The following FAP variants were observed in gnomAD, a reference collection of about 807,000 sequenced individuals.
FAP encodes fibroblast activation protein alpha.
Under a neutral mutation model 126.5 loss-of-function variants are expected in FAP, and 110 were observed. The observed-to-expected ratio is 0.87, with a 90% CI of 0.74 to 1.02. The LOEUF is 1.02. Among genes scored for constraint, FAP ranks in the 50% least tolerant of loss-of-function variants. The pLI, the probability that FAP is intolerant of heterozygous loss-of-function variation, is 0.00. For synonymous variants in FAP, 334 were observed against 297.3 expected (o/e 1.12, Z -1.27); for missense variants, 919 against 909.2 (o/e 1.01, Z -0.14).
chr2:162,229,852 T>C (rs1327516369), intron 2 of FAP, among the ~76,000 whole-genome samples: 3 of 85,362 alleles, frequency 3.5e-5, no homozygotes, highest in Non-Finnish European at 1.2e-4. Flanking sequence ...GAACGTAGCA[T>C]ATGACTCAAA....
chr2:162,186,313 A>T (rs1167761808), intron 20 of FAP, among the ~76,000 whole-genome samples: 3 of 152,166 alleles, frequency 2.0e-5, no homozygotes, highest in African/African-American at 7.2e-5. Flanking sequence ...GCTCAGAGAA[A>T]GTAGAGGTAT....
At chr2:162,172,728 A>T in intron 25 of FAP, 83 bp downstream of exon 25, 4 of 879,310 alleles carry the variant, frequency 4.5e-6, no homozygotes, top group South Asian at 1.5e-5. Flanking sequence ...TTACTTTAAA[A>T]GTTAAAAAAA....
At chr2:162,235,079 G>A (rs1017678094) in intron 2 of FAP, among the ~76,000 whole-genome samples, 6 of 151,996 alleles carry the variant, frequency 3.9e-5, no homozygotes, top group African/African-American at 7.3e-5. Flanking sequence ...GCCTCCCTGC[G>A]GGGCAGGGCT....
chr2:162,225,688 C>T, intron 3 of FAP, 111 bp from the exon 4 acceptor site: 1 of 1,077,958 alleles, frequency 9.3e-7, no homozygotes, highest in Non-Finnish European at 1.3e-6. Flanking sequence ...TCCTCTCTGT[C>T]CAGTACATAT....
chr2:162,198,370 A>G, intron 16 of FAP: 1 of 1,280,176 alleles, frequency 7.8e-7, no homozygotes, highest in Non-Finnish European at 1.0e-6. Flanking sequence ...ATCAGAGAAC[A>G]TTTCTTTTTC....
At chr2:162,205,629 T>C (rs1688671909) in intron 12 of FAP, among the ~76,000 whole-genome samples, 1 of 152,156 alleles carries the variant, frequency 6.6e-6, no homozygotes, top group South Asian at 2.1e-4. Flanking sequence ...TTCTCCTGCC[T>C]CAGCCTCCCA....
intron 21 of FAP, chr2:162,176,605 G>A (rs1251193374): frequency 2.0e-5 from 3 of 152,086 alleles, no homozygotes; most frequent in African/African-American, 7.2e-5. Context: ...GAAATGGGAA[G>A]GCTTTCCTTC....
Position 162,194,926 on chromosome 2 carries a change from C to T in FAP, c.1403-178G>A. 7 of 615,154 alleles carry T rather than the reference C, an allele frequency of 1.1e-5. No homozygotes were observed. In the South Asian group the frequency reaches 1.3e-4, roughly 12 times the overall value. The allele number at this position is 615,154 out of a possible 1,614,324, so 38.1% of individuals were successfully genotyped here. A position where few individuals can be genotyped will look rare whatever the true frequency, so the allele number is the denominator to read the frequency against. On this transcript the variant is annotated intron_variant, in intron 16 of 25. Transcript: ENST00000188790. ...ACTTCTAAGTCACATTTAAACAATA[C>T]ATGAGATCAAAGCCCACTCAAAGAA...
intron 20 of FAP, among the ~76,000 whole-genome samples, chr2:162,185,681 C>A (rs368146579): frequency 2.0e-5 from 3 of 152,044 alleles, no homozygotes; most frequent in African/African-American, 7.2e-5. Flanking sequence ...CAAATATGTA[C>A]GTACGATTTT....
At chr2:162,178,292 C>G (rs1687557091) in intron 21 of FAP, among the ~76,000 whole-genome samples, 1 of 152,048 alleles carries the variant, frequency 6.6e-6, no homozygotes, top group African/African-American at 2.4e-5. Flanking sequence ...TAAGCAAAAC[C>G]CTCGCTGCTC....
At position 162,243,050 on chromosome 2, in the gene FAP, G is replaced by A. The variant is rs1690418282; in HGVS notation, c.7-58C>T. 4 of 1,383,436 alleles carry A rather than the reference G, an allele frequency of 2.9e-6. No individual in the cohort carries two copies. The African/African-American group carries it at 4.3e-5, about 15-fold the overall frequency. The allele number at this position is 1,383,436 out of a possible 1,614,324, so 85.7% of individuals were successfully genotyped here. ...CAGTTCCTGCTAAATAGTAGAAATG[G>A]CAAGATTTTGTTTACACCTAAATCC... On this transcript the variant is annotated intron_variant, in intron 1 of 25. Transcript: ENST00000188790.
chr2:162,216,318 C>A (rs1689159091), intron 9 of FAP, among the ~76,000 whole-genome samples: 1 of 152,254 alleles, frequency 6.6e-6, no homozygotes, highest in African/African-American at 2.4e-5. Flanking sequence ...ATTTCCAAGA[C>A]AGATCTCTCT....
At chr2:162,207,706 C>T (rs1446616365) in intron 12 of FAP, among the ~76,000 whole-genome samples, 1 of 148,870 alleles carries the variant, frequency 6.7e-6, no homozygotes, top group African/African-American at 2.5e-5. Context: ...TGTGCCTCCA[C>T]TGAGGGCATT....
At chr2:162,213,212 C>T (rs1689018966) in intron 11 of FAP, among the ~76,000 whole-genome samples, 1 of 151,664 alleles carries the variant, frequency 6.6e-6, no homozygotes, top group Non-Finnish European at 1.5e-5. Flanking sequence ...CCCGTGTCTA[C>T]TAAAAATAAA....
chr2:162,198,915 T>A, intron 15 of FAP, 34 bp from the exon 16 acceptor site: 1 of 1,601,746 alleles, frequency 6.2e-7, no homozygotes, highest in East Asian at 2.2e-5. Context: ...TAAGCTGAAA[T>A]TTTGAGATTG....
At chr2:162,176,542 A>G (rs1467550551) in intron 21 of FAP, 1 of 152,218 alleles carries the variant, frequency 6.6e-6, no homozygotes, top group Admixed American at 6.5e-5. Flanking sequence ...ACTTTCACTT[A>G]TAATTTAAAA....
intron 2 of FAP, among the ~76,000 whole-genome samples, chr2:162,234,448 AC>A: frequency 6.6e-6 from 1 of 152,016 alleles, no homozygotes; most frequent in Non-Finnish European, 1.5e-5. Flanking sequence ...ACCCTACTGA[AC>A]TGTATTGTTA....
intron 21 of FAP, among the ~76,000 whole-genome samples, chr2:162,182,524 C>G (rs190923641): frequency 1.3e-5 from 2 of 152,266 alleles, no homozygotes; most frequent in Non-Finnish European, 2.9e-5. Context: ...AGCTCTTCAT[C>G]TGGTCACTGA....
intron 17 of FAP, among the ~76,000 whole-genome samples, chr2:162,191,293 C>T (rs925319613): frequency 6.6e-6 from 1 of 152,058 alleles, no homozygotes; most frequent in Admixed American, 6.6e-5. Flanking sequence ...TAATGAAATG[C>T]AAAATTTAAT....
Sources: gnomAD v4.1 joint callset for allele counts (sites outside exome capture counted in the v4.1 genomes callset) on GRCh38, gnomAD v4.1.1 for gene constraint, MANE v1.5 for transcripts, NCBI Gene and HGNC (gene_info 2026-07-23, HGNC 2026-07-21) for gene names.